The following SNCAIP variants were observed in gnomAD, a reference collection of about 807,000 sequenced individuals.
The protein encoded by SNCAIP is synuclein alpha interacting protein, also known as synphilin-1.
SNCAIP carries 43 observed loss-of-function variants against 86.7 expected under a neutral mutation model. The ratio of observed to expected loss-of-function variants is 0.50; its 90% CI spans 0.39 to 0.64. The LOEUF is 0.64. SNCAIP is among the 30% of genes least tolerant of loss of function. SNCAIP has a pLI of 0.00. For missense variants in SNCAIP, 981 were observed against 1,103.1 expected (o/e 0.89, Z 1.57); for synonymous variants, 417 against 427.2 (o/e 0.98, Z 0.29).
At chr5:122,440,971 G>A (rs1271308154) in intron 7 of SNCAIP, 10 of 536,564 alleles carry the variant, frequency 1.9e-5, no homozygotes, top group African/African-American at 9.6e-5. Flanking sequence ...GTCCCAGGGT[G>A]TTGAAAGGGA....
rs1480025707 is a variant in SNCAIP, at chr5:122,364,377, C to A, written c.-46-26712C>A. Among the ~76,000 whole-genome samples the A allele has an allele frequency of 2.0e-5, 3 of 152,158 alleles. No homozygotes were observed. The East Asian group carries it at 5.8e-4, about 29-fold the overall frequency. ...TTTATGGACTCACCCTGAATTCTTT[C>A]TTTTGCAAGATGCAAGAACCCTCTC... On this transcript the variant is annotated intron_variant, in intron 1 of 10. Transcript: ENST00000261368.
intron 3 of SNCAIP, among the ~76,000 whole-genome samples, 180 bp from the exon 4 acceptor site, chr5:122,422,688 A>G (rs969729629): frequency 1.3e-5 from 2 of 152,086 alleles, no homozygotes; most frequent in Non-Finnish European, 2.9e-5. Flanking sequence ...TTCTTTGATC[A>G]TTCACTGTTT....
intron 1 of SNCAIP, among the ~76,000 whole-genome samples, chr5:122,331,516 G>T (rs1342002749): frequency 6.6e-6 from 1 of 152,158 alleles, no homozygotes; most frequent in Admixed American, 6.5e-5. Context: ...GACCTTCCTA[G>T]TTTTTTCAGG....
chr5:122,425,229 C>T, intron 4 of SNCAIP, 123 bp from the exon 5 acceptor site: 1 of 796,590 alleles, frequency 1.3e-6, no homozygotes, highest in Non-Finnish European at 2.3e-6. Context: ...TTTATTAGAT[C>T]CCCAAGGCTG....
chr5:122,358,100 C>T (rs1309967269), intron 1 of SNCAIP, among the ~76,000 whole-genome samples: 1 of 151,376 alleles, frequency 6.6e-6, no homozygotes, highest in Admixed American at 6.6e-5. Context: ...CATCTTTAAA[C>T]CTTCCATACC....
intron 1 of SNCAIP, chr5:122,383,414 G>A (rs966187593): frequency 1.6e-4 from 24 of 152,992 alleles, no homozygotes; most frequent in Admixed American, 3.3e-4. Context: ...CACGGTGCGC[G>A]CACCCACTGA....
At chr5:122,443,914 C>G (rs1238948596) in intron 7 of SNCAIP, among the ~76,000 whole-genome samples, 1 of 152,112 alleles carries the variant, frequency 6.6e-6, no homozygotes, top group Non-Finnish European at 1.5e-5. Flanking sequence ...AGCCTATTGC[C>G]AATTGTAGCC....
intron 2 of SNCAIP, among the ~76,000 whole-genome samples, chr5:122,401,306 T>A (rs1771763591): frequency 6.6e-6 from 1 of 152,236 alleles, no homozygotes; most frequent in Non-Finnish European, 1.5e-5. Flanking sequence ...TTTTAGATGT[T>A]GGTTTTGTGA....
chr5:122,340,657 A>G (rs1757381601), intron 1 of SNCAIP, among the ~76,000 whole-genome samples: 1 of 152,208 alleles, frequency 6.6e-6, no homozygotes, highest in African/African-American at 2.4e-5. Context: ...AGTAATCAGC[A>G]TTGACATTGC....
chr5:122,336,463 C>T (rs1176531861), intron 1 of SNCAIP, among the ~76,000 whole-genome samples: 1 of 152,228 alleles, frequency 6.6e-6, no homozygotes, highest in East Asian at 1.9e-4. Flanking sequence ...GTTCTAGTCC[C>T]TGGACCATAG....
chr5:122,340,772 C>T (rs1445155207), intron 1 of SNCAIP, among the ~76,000 whole-genome samples: 1 of 152,166 alleles, frequency 6.6e-6, no homozygotes, highest in East Asian at 1.9e-4. Context: ...TTCAAAAGCA[C>T]ATAATCATAT....
At position 122,450,775 on chromosome 5, in the gene SNCAIP, A is replaced by G. The variant is rs754278631; in HGVS notation, c.1928A>G (p.Gln643Arg). The change falls in exon 10 of 11, where the codon CAG becomes CGG. Residue 643 changes from glutamine to arginine, a missense_variant. Physicochemically the swap from Gln to Arg is conservative, Grantham distance 43 (BLOSUM62 1). Coordinates refer to ENST00000261368, the MANE Select transcript of SNCAIP (RefSeq NM_005460.4). ...CTQEKLSLEF[Q>R]DAQASSRNSK... ...CAGGAAAAACTGTCCTTGGAATTCC[A>G]GGATGCTCAGGCTTCCTCTAGAAAT... 6.2e-7 allele frequency: 1 copy of G among 1,614,112 alleles called. No homozygotes were observed. The highest frequency in any genetic ancestry group is 1.1e-5 in the South Asian group (1 of 91,082).
At chr5:122,416,041 A>C (rs1385262395) in intron 3 of SNCAIP, among the ~76,000 whole-genome samples, 1 of 152,206 alleles carries the variant, frequency 6.6e-6, no homozygotes, top group Non-Finnish European at 1.5e-5. Flanking sequence ...CAAAGGTTTA[A>C]AGTTGTCAAA....
At chr5:122,399,136 A>C (rs547170924) in intron 2 of SNCAIP, among the ~76,000 whole-genome samples, 1 of 152,294 alleles carries the variant, frequency 6.6e-6, no homozygotes, top group African/African-American at 2.4e-5. Flanking sequence ...CCGCCTCATT[A>C]GTTCTCATGT....
At chr5:122,379,687 A>C (rs1179703104) in intron 1 of SNCAIP, among the ~76,000 whole-genome samples, 1 of 151,938 alleles carries the variant, frequency 6.6e-6, no homozygotes, top group East Asian at 1.9e-4. Flanking sequence ...TGTCATAGAT[A>C]GCTCTCATTA....
chr5:122,422,362 C>T (rs970681730), intron 3 of SNCAIP, among the ~76,000 whole-genome samples: 1 of 152,192 alleles, frequency 6.6e-6, no homozygotes. Context: ...TTTGAATTTG[C>T]TCAATATTAA....
chr5:122,322,136 T>C (rs953669075), intron 1 of SNCAIP, among the ~76,000 whole-genome samples: 23 of 152,194 alleles, frequency 1.5e-4, no homozygotes, highest in Admixed American at 6.5e-4. Context: ...AACTTTCTGT[T>C]TCCAGTGGTT....
At chr5:122,411,683 C>A (rs1774157262) in intron 3 of SNCAIP, among the ~76,000 whole-genome samples, 1 of 152,048 alleles carries the variant, frequency 6.6e-6, no homozygotes, top group African/African-American at 2.4e-5. Flanking sequence ...TTTCAAATGG[C>A]CCTTGCATCT....
chr5:122,451,681 C>T (rs558833244), intron 10 of SNCAIP, 80 bp downstream of exon 10: 4 of 1,107,780 alleles, frequency 3.6e-6, no homozygotes, highest in South Asian at 1.3e-5. Flanking sequence ...TGTGGGCCCA[C>T]ACTACCTTGA....
Sources: gnomAD v4.1 joint callset for allele counts (sites outside exome capture counted in the v4.1 genomes callset) on GRCh38, gnomAD v4.1.1 for gene constraint, MANE v1.5 for transcripts, NCBI Gene and HGNC (gene_info 2026-07-23, HGNC 2026-07-21) for gene names.